The following ZBTB20 variants were observed in gnomAD, a reference collection of about 807,000 sequenced individuals.
ZBTB20 encodes zinc finger and BTB domain containing 20.
ZBTB20 carries 9 observed loss-of-function variants against 56.9 expected under a neutral mutation model. The observed-to-expected ratio is 0.16, with a 90% CI of 0.10 to 0.28. ZBTB20 has a LOEUF of 0.28. Ranked by LOEUF, ZBTB20 falls within the 10% of genes least tolerant of loss-of-function variation. The probability of loss-of-function intolerance (pLI) is 1.00; values close to 1 mark genes in which losing one functional copy is unlikely to be tolerated. For missense variants in ZBTB20, 655 were observed against 1,003.0 expected, an observed-to-expected ratio of 0.65 and a Z score of 4.69; for synonymous variants, 417 against 420.7, an observed-to-expected ratio of 0.99 and a Z score of 0.11.
In ZBTB20 at chr3:114,693,569, A is replaced by C. The variant is rs1010516373; in HGVS notation, c.-336T>G. The C allele has an allele frequency of 6.6e-6, 1 of 152,110 alleles. No homozygotes were observed. Among genetic ancestry groups the C allele is most frequent in the African/African-American group, 2.4e-5 (1 of 41,432 alleles). The allele number at this position is 152,110 out of a possible 1,614,324, so 9.4% of individuals were successfully genotyped here. ...GAGGAATATCCTGTTAGTAATGATG[A>C]AACATTCTGAAATAAAAAGAGTACA... On this transcript the variant is annotated 5_prime_UTR_variant, in exon 6 of 12. Transcript: ENST00000675478.
chr3:114,861,313 T>C (rs562900074), intron 4 of ZBTB20, among the ~76,000 whole-genome samples: 10 of 152,310 alleles, frequency 6.6e-5, no homozygotes, highest in Admixed American at 3.3e-4. Flanking sequence ...TTTAACTTCT[T>C]TGAACCAAAT....
intron 6 of ZBTB20, among the ~76,000 whole-genome samples, chr3:114,684,957 T>G (rs1177616421): frequency 2.6e-5 from 4 of 152,112 alleles, no homozygotes; most frequent in Non-Finnish European, 4.4e-5. Flanking sequence ...TCAAATCCAG[T>G]TGCACAGAAT....
At chr3:114,344,388 C>T (rs1158611669) in intron 11 of ZBTB20, among the ~76,000 whole-genome samples, 1 of 152,148 alleles carries the variant, frequency 6.6e-6, no homozygotes, top group Non-Finnish European at 1.5e-5. Flanking sequence ...TCAGTAGCAC[C>T]TGAGAGTATA....
chr3:114,918,874 G>T (rs946923481), intron 3 of ZBTB20, among the ~76,000 whole-genome samples: 4 of 152,188 alleles, frequency 2.6e-5, no homozygotes, highest in African/African-American at 9.6e-5. Flanking sequence ...CCTGTCTGGT[G>T]TCTCACTAGG....
intron 6 of ZBTB20, among the ~76,000 whole-genome samples, chr3:114,537,707 T>C (rs1384226736): frequency 3.3e-5 from 5 of 152,270 alleles, no homozygotes; most frequent in South Asian, 2.1e-4. Context: ...TGCAGCACTA[T>C]TCACAGTGGT....
At chr3:114,888,383 T>C (rs995417156) in intron 4 of ZBTB20, among the ~76,000 whole-genome samples, 4 of 152,146 alleles carry the variant, frequency 2.6e-5, no homozygotes, top group Admixed American at 2.6e-4. Context: ...GCCACTGCAC[T>C]CCAGCCTGGG....
intron 4 of ZBTB20, among the ~76,000 whole-genome samples, chr3:114,815,379 C>T (rs1052731049): frequency 2.6e-5 from 4 of 152,028 alleles, no homozygotes; most frequent in East Asian, 1.9e-4. Context: ...GGAAAGATTA[C>T]GAGCATCAAT....
intron 11 of ZBTB20, among the ~76,000 whole-genome samples, chr3:114,340,668 A>G (rs1180484662): frequency 6.6e-6 from 1 of 152,166 alleles, no homozygotes; most frequent in African/African-American, 2.4e-5. Flanking sequence ...GGTGAGATGA[A>G]CTGCGTGTTT....
At chr3:115,063,637 C>G (rs966770144) in intron 2 of ZBTB20, among the ~76,000 whole-genome samples, 5 of 144,160 alleles carry the variant, frequency 3.5e-5, no homozygotes, top group Non-Finnish European at 7.5e-5. Flanking sequence ...TATCATTTCT[C>G]ATTATTGTCA....
At chr3:114,448,169 C>T (rs1278854891) in intron 7 of ZBTB20, among the ~76,000 whole-genome samples, 1 of 152,048 alleles carries the variant, frequency 6.6e-6, no homozygotes, top group Non-Finnish European at 1.5e-5. Context: ...GCTCTTCTGG[C>T]CTCTCCCCGG....
chr3:114,431,124 A>G (rs1446536280), intron 7 of ZBTB20, among the ~76,000 whole-genome samples: 2 of 152,182 alleles, frequency 1.3e-5, no homozygotes, highest in African/African-American at 4.8e-5. Flanking sequence ...AAAACGAAAA[A>G]CAGAAAAAGC....
chr3:114,822,660 T>C (rs1391083346), intron 4 of ZBTB20, among the ~76,000 whole-genome samples: 1 of 152,018 alleles, frequency 6.6e-6, no homozygotes, highest in East Asian at 1.9e-4. Flanking sequence ...AAGTGAATCT[T>C]CACCAAATGA....
intron 7 of ZBTB20, among the ~76,000 whole-genome samples, chr3:114,414,068 A>G (rs1183451379): frequency 6.6e-6 from 1 of 152,280 alleles, no homozygotes; most frequent in East Asian, 1.9e-4. Context: ...TTTACATTAA[A>G]GATGTCTCCA....
intron 2 of ZBTB20, among the ~76,000 whole-genome samples, chr3:115,008,004 T>C (rs138992915): frequency 6.6e-6 from 1 of 151,986 alleles, no homozygotes; most frequent in East Asian, 2.0e-4. Flanking sequence ...CTTCTTCTGC[T>C]TTCCAACAGT....
intron 2 of ZBTB20, among the ~76,000 whole-genome samples, chr3:114,991,987 C>T (rs2078832974): frequency 6.6e-6 from 1 of 151,940 alleles, no homozygotes; most frequent in South Asian, 2.1e-4. Flanking sequence ...TTATTTTGAG[C>T]CTATGTGTCT....
chr3:114,870,247 A>C (rs1401478064), intron 4 of ZBTB20, among the ~76,000 whole-genome samples: 1 of 152,042 alleles, frequency 6.6e-6, no homozygotes, highest in Non-Finnish European at 1.5e-5. Flanking sequence ...AATGTCTGAA[A>C]AGTAGAGGTC....
intron 4 of ZBTB20, among the ~76,000 whole-genome samples, chr3:114,855,982 C>T (rs917773345): frequency 6.6e-6 from 1 of 152,170 alleles, no homozygotes; most frequent in Non-Finnish European, 1.5e-5. Context: ...TTTAGGGAGG[C>T]GTTAGGGTAT....
At chr3:114,759,055 C>T (rs2068238463) in intron 5 of ZBTB20, 1 of 152,148 alleles carries the variant, frequency 6.6e-6, no homozygotes, top group Non-Finnish European at 1.5e-5. Context: ...ACTCAATTTG[C>T]TTGTCCTGTG....
intron 5 of ZBTB20, among the ~76,000 whole-genome samples, chr3:114,719,471 T>C (rs1458821043): frequency 6.6e-6 from 1 of 152,022 alleles, no homozygotes; most frequent in Admixed American, 6.6e-5. Flanking sequence ...CTAGAAATAA[T>C]GGGATGAAGG....
Sources: gnomAD v4.1 joint callset for allele counts (sites outside exome capture counted in the v4.1 genomes callset) on GRCh38, gnomAD v4.1.1 for gene constraint, MANE v1.5 for transcripts, NCBI Gene and HGNC (gene_info 2026-07-23, HGNC 2026-07-21) for gene names.